GRM7: variants seen among roughly 807,000 people sequenced by gnomAD.
The protein encoded by GRM7 is metabotropic glutamate receptor 7.
In GRM7, 35 loss-of-function variants were observed where a neutral mutation model predicts 84.5. The observed-to-expected ratio is 0.41, with a 90% CI of 0.32 to 0.55. The LOEUF is 0.55. Among genes scored for constraint, GRM7 ranks in the 20% least tolerant of loss-of-function variants. GRM7 has a pLI of 0.19. For missense variants in GRM7, 1,003 were observed against 1,194.6 expected (o/e 0.84, Z 2.36); for synonymous variants, 487 against 455.1 (o/e 1.07, Z -0.89).
chr3:7,108,508 T>TG (rs1692732227), intron 1 of GRM7, among the ~76,000 whole-genome samples: 2 of 149,060 alleles, frequency 1.3e-5, no homozygotes, highest in South Asian at 4.3e-4. Context: ...TTTTTTTTTT[T>TG]GCTGCTTTTC....
At chr3:7,670,642 C>T (rs1699880203) in intron 8 of GRM7, among the ~76,000 whole-genome samples, 1 of 16,764 alleles carries the variant, frequency 6.0e-5, no homozygotes, top group African/African-American at 2.7e-4. Context: ...ATGAAGATTA[C>T]TTTAAAATTT....
intron 2 of GRM7, among the ~76,000 whole-genome samples, chr3:7,193,397 T>A (rs1440030979): frequency 6.6e-6 from 1 of 152,096 alleles, no homozygotes; most frequent in East Asian, 1.9e-4. Flanking sequence ...CTCAGTTGTG[T>A]TTAGCTTAGA....
In GRM7 at chr3:7,294,690, G is replaced by T. The variant is rs921752188; in HGVS notation, c.737-3994G>T. ...CCTCAAAATCTGACCACCTGCAGCAGTTTCACCTAGAGCAGCGTGGGCCCT... is the reference window on the plus strand; with the variant it reads ...CCTCAAAATCTGACCACCTGCAGCATTTTCACCTAGAGCAGCGTGGGCCCT... On this transcript the variant is annotated intron_variant, in intron 2 of 9. Coordinates refer to ENST00000357716, the MANE Select transcript of GRM7 (RefSeq NM_000844.4). Among the ~76,000 whole-genome samples, 6 of 152,146 alleles carry T rather than the reference G, an allele frequency of 3.9e-5. 1 individual carries two copies. Among genetic ancestry groups the T allele is most frequent in the Non-Finnish European group, 7.3e-5 (5 of 68,036 alleles).
chr3:7,350,625 A>C (rs1693098543), intron 4 of GRM7, among the ~76,000 whole-genome samples: 1 of 152,140 alleles, frequency 6.6e-6, no homozygotes, highest in Non-Finnish European at 1.5e-5. Flanking sequence ...TAGCAGTGTG[A>C]GAATAGACTA....
intron 1 of GRM7, among the ~76,000 whole-genome samples, chr3:7,015,142 C>A (rs979673466): frequency 1.1e-4 from 16 of 152,164 alleles, no homozygotes; most frequent in Middle Eastern, 3.4e-3. Context: ...CCCACCCCCC[C>A]ATAAGCCAGC....
intron 8 of GRM7, among the ~76,000 whole-genome samples, chr3:7,603,160 C>G (rs1055658523): frequency 1.3e-5 from 2 of 152,120 alleles, no homozygotes; most frequent in African/African-American, 4.8e-5. Context: ...TTCGATCAAA[C>G]TTGCCTATTT....
At position 6,972,386 on chromosome 3, in the gene GRM7, C is replaced by T. The variant is rs188939052; in HGVS notation, c.519+110479C>T. 1.2e-3 allele frequency among the ~76,000 whole-genome samples: 180 copies of T among 152,180 alleles called. 2 individuals carry two copies. The highest frequency in any genetic ancestry group is 6.8e-3 in the Middle Eastern group (2 of 294). On this transcript the variant is annotated intron_variant, in intron 1 of 9. Transcript: ENST00000357716. The stretch of plus-strand genomic sequence containing the variant: ...CGTGTTTCTTCGTCTTCTGATAGAG[C>T]GCAGAAGGTAAGGGTAAAGGACGAG...
At chr3:7,165,403 G>C (rs62234882) in intron 2 of GRM7, among the ~76,000 whole-genome samples, 5,849 of 152,296 alleles carry the variant, frequency 0.038, 167 homozygotes, top group Middle Eastern at 0.068. Context: ...ATAGAATCAA[G>C]TGTTTTATCA....
chr3:7,472,458 A>G (rs1698741437), intron 7 of GRM7, among the ~76,000 whole-genome samples: 1 of 152,232 alleles, frequency 6.6e-6, no homozygotes, highest in Non-Finnish European at 1.5e-5. Context: ...AAAGAACTCT[A>G]GATTCAACGA....
chr3:7,374,299 G>T (rs1433482389), intron 4 of GRM7, among the ~76,000 whole-genome samples: 1 of 151,748 alleles, frequency 6.6e-6, no homozygotes, highest in Non-Finnish European at 1.5e-5. Flanking sequence ...TCCCACCTCA[G>T]TCTCTACTCT....
chr3:7,447,251 C>T (rs1406948820), intron 5 of GRM7, among the ~76,000 whole-genome samples: 5 of 151,974 alleles, frequency 3.3e-5, no homozygotes, highest in Admixed American at 6.6e-5. Flanking sequence ...ATCAAAAGAA[C>T]GTCCTGTTAA....
intron 8 of GRM7, among the ~76,000 whole-genome samples, chr3:7,620,441 T>C (rs1258045655): frequency 6.6e-6 from 1 of 152,142 alleles, no homozygotes; most frequent in African/African-American, 2.4e-5. Context: ...AGTGAATGTC[T>C]TGGTGAATTA....
At chr3:7,000,414 T>C (rs1334546171) in intron 1 of GRM7, among the ~76,000 whole-genome samples, 1 of 152,174 alleles carries the variant, frequency 6.6e-6, no homozygotes, top group Non-Finnish European at 1.5e-5. Flanking sequence ...CTCGAACTCC[T>C]GACTTCAGGT....
intron 7 of GRM7, among the ~76,000 whole-genome samples, chr3:7,547,926 T>G (rs1001449101): frequency 6.6e-6 from 1 of 152,152 alleles, no homozygotes; most frequent in Non-Finnish European, 1.5e-5. Context: ...AAGAACTTGT[T>G]TGGAACAGAG....
intron 1 of GRM7, among the ~76,000 whole-genome samples, chr3:7,128,911 T>C (rs966770431): frequency 6.6e-6 from 1 of 152,048 alleles, no homozygotes; most frequent in Admixed American, 6.6e-5. Flanking sequence ...CAATAAACTA[T>C]CATAAAGTTG....
intron 1 of GRM7, among the ~76,000 whole-genome samples, chr3:6,897,325 C>T (rs1057351499): frequency 1.2e-4 from 18 of 152,186 alleles, no homozygotes; most frequent in Admixed American, 4.6e-4. Context: ...TTGCCCTAGA[C>T]GGAAAGAGTC....
At chr3:7,215,792 G>A (rs1696590583) in intron 2 of GRM7, among the ~76,000 whole-genome samples, 1 of 152,164 alleles carries the variant, frequency 6.6e-6, no homozygotes, top group South Asian at 2.1e-4. Flanking sequence ...ATGTAGTTGT[G>A]AATGAAATTT....
rs112963258 is a variant in GRM7 at position 7,247,959 on chromosome 3, A to G, written c.737-50725A>G. Among the ~76,000 whole-genome samples the G allele has an allele frequency of 6.8e-3, 1,036 of 152,280 alleles. 5 individuals are homozygous for G. Among genetic ancestry groups the G allele is most frequent in the Middle Eastern group, 0.014 (4 of 294 alleles). The stretch of plus-strand genomic sequence containing the variant: ...TACAAACAACAGCTACAGAAGCAAC[A>G]ATAACAAGAAACCAGTAATATTATT... On this transcript the variant is annotated intron_variant, in intron 2 of 9. Coordinates refer to ENST00000357716, the MANE Select transcript of GRM7 (RefSeq NM_000844.4).
At chr3:7,573,995 C>T (rs933964231) in intron 7 of GRM7, among the ~76,000 whole-genome samples, 1 of 152,174 alleles carries the variant, frequency 6.6e-6, no homozygotes, top group African/African-American at 2.4e-5. Context: ...ATTTCACGCT[C>T]AAAATTCCAG....
Sources: gnomAD v4.1 joint callset for allele counts (sites outside exome capture counted in the v4.1 genomes callset) on GRCh38, gnomAD v4.1.1 for gene constraint, MANE v1.5 for transcripts, NCBI Gene and HGNC (gene_info 2026-07-23, HGNC 2026-07-21) for gene names.